The following AGBL4 variants were observed in gnomAD, a reference collection of about 807,000 sequenced individuals.
AGBL4 encodes the protein AGBL carboxypeptidase 4.
In AGBL4, 58 loss-of-function variants were observed where a neutral mutation model predicts 66.4. The ratio of observed to expected loss-of-function variants is 0.87; its 90% CI spans 0.71 to 1.09. The LOEUF is 1.09. Ranked by LOEUF, AGBL4 falls within the 50% of genes least tolerant of loss-of-function variation. AGBL4 has a pLI of 0.00. For synonymous variants in AGBL4, 234 were observed against 222.9 expected, an observed-to-expected ratio of 1.05 and a Z score of -0.44; for missense variants, 579 against 631.0, an observed-to-expected ratio of 0.92 and a Z score of 0.88.
chr1:48,668,981 C>T (rs1646233803), intron 6 of AGBL4, among the ~76,000 whole-genome samples: 1 of 152,138 alleles, frequency 6.6e-6, no homozygotes, highest in African/African-American at 2.4e-5. Context: ...GTTAGCTCTG[C>T]CTCAGTGTTT....
rs540475309 is a variant in AGBL4 at position 49,163,366 on chromosome 1, C to T, written c.377+82404G>A. 2.8e-3 allele frequency among the ~76,000 whole-genome samples: 430 copies of T among 152,274 alleles called. 2 individuals carry two copies. Among genetic ancestry groups the T allele is most frequent in the Non-Finnish European group, 4.7e-3 (323 of 68,022 alleles). ...CTGATTCTGGCAGACTCTTACTCAT[C>T]CCTTTGTCACAGTTCAAATGTCACC... is the stretch of plus-strand genomic sequence containing the variant. On this transcript the variant is annotated intron_variant, in intron 4 of 13. Transcript: ENST00000371839.
intron 2 of AGBL4, among the ~76,000 whole-genome samples, chr1:49,746,996 A>G (rs1436785477): frequency 6.6e-6 from 1 of 152,142 alleles, no homozygotes; most frequent in African/African-American, 2.4e-5. Flanking sequence ...AAACATTTCT[A>G]AAGTGAAAAA....
chr1:49,093,281 T>A (rs999650931), intron 4 of AGBL4, among the ~76,000 whole-genome samples: 1 of 152,120 alleles, frequency 6.6e-6, no homozygotes, highest in Non-Finnish European at 1.5e-5. Flanking sequence ...ACTGACAAGA[T>A]AATAATGAGA....
chr1:49,190,197 A>C (rs1168002334), intron 4 of AGBL4, among the ~76,000 whole-genome samples: 2 of 152,200 alleles, frequency 1.3e-5, no homozygotes. Flanking sequence ...CCTGCCCATG[A>C]GTCTAAAGCC....
intron 9 of AGBL4, among the ~76,000 whole-genome samples, chr1:48,631,549 C>T (rs1053051497): frequency 2.0e-5 from 3 of 152,114 alleles, no homozygotes; most frequent in Admixed American, 6.5e-5. Flanking sequence ...TGCCACCACA[C>T]CTGGCTAATT....
chr1:49,530,327 C>A (rs1455087033), intron 3 of AGBL4, among the ~76,000 whole-genome samples: 1 of 134,992 alleles, frequency 7.4e-6, no homozygotes, highest in East Asian at 2.1e-4. Flanking sequence ...TTTGAGGGTA[C>A]ATGTGCACAA....
intron 4 of AGBL4, 103 bp from the exon 5 acceptor site, chr1:49,045,903 G>A (rs1644067720): frequency 1.0e-6 from 1 of 954,072 alleles, no homozygotes. Flanking sequence ...GTAACATCAA[G>A]AACCATGGGT....
chr1:49,471,232 T>C (rs1365339482), intron 3 of AGBL4, among the ~76,000 whole-genome samples: 1 of 152,020 alleles, frequency 6.6e-6, no homozygotes, highest in African/African-American at 2.4e-5. Context: ...CATTATGTTA[T>C]TTTTGCTTTG....
chr1:49,165,403 T>C (rs1237721333), intron 4 of AGBL4, among the ~76,000 whole-genome samples: 1 of 152,120 alleles, frequency 6.6e-6, no homozygotes, highest in African/African-American at 2.4e-5. Context: ...GATACATTTG[T>C]TAAGAGAAAG....
intron 4 of AGBL4, among the ~76,000 whole-genome samples, chr1:49,142,809 T>C (rs541722837): frequency 4.6e-5 from 7 of 152,312 alleles, no homozygotes; most frequent in Admixed American, 3.9e-4. Context: ...AAAAGTTTTA[T>C]AATTCATATA....
At chr1:49,928,958 A>C (rs971495045) in intron 1 of AGBL4, among the ~76,000 whole-genome samples, 11 of 152,272 alleles carry the variant, frequency 7.2e-5, no homozygotes, top group Non-Finnish European at 1.3e-4. Context: ...AATATGGTAC[A>C]TATATGGCAT....
chr1:49,486,095 A>G (rs1297954478), intron 3 of AGBL4, among the ~76,000 whole-genome samples: 1 of 151,912 alleles, frequency 6.6e-6, no homozygotes, highest in Non-Finnish European at 1.5e-5. Context: ...GAGTCTGTGG[A>G]GTGAGTCCCA....
At chr1:48,591,028 A>G in intron 9 of AGBL4, 43 bp from the exon 10 acceptor site, 1 of 1,555,542 alleles carries the variant, frequency 6.4e-7, no homozygotes. Context: ...TGGGCTGTAG[A>G]GCTTGTGTAT....
At chr1:49,656,609 A>C (rs1646140036) in intron 3 of AGBL4, among the ~76,000 whole-genome samples, 1 of 152,302 alleles carries the variant, frequency 6.6e-6, no homozygotes, top group South Asian at 2.1e-4. Context: ...AATCCTCAAT[A>C]AAATACTGGC....
At chr1:49,020,028 C>T (rs527578685) in intron 5 of AGBL4, among the ~76,000 whole-genome samples, 1 of 152,222 alleles carries the variant, frequency 6.6e-6, no homozygotes, top group South Asian at 2.1e-4. Flanking sequence ...TGACAAATAC[C>T]CTGAAAAGTA....
intron 3 of AGBL4, among the ~76,000 whole-genome samples, chr1:49,488,310 A>G (rs1647111967): frequency 6.6e-6 from 1 of 151,446 alleles, no homozygotes; most frequent in African/African-American, 2.4e-5. Context: ...TTTATCATGT[A>G]TGACTTTTGT....
chr1:49,478,040 A>T (rs1646880894), intron 3 of AGBL4, among the ~76,000 whole-genome samples: 1 of 151,760 alleles, frequency 6.6e-6, no homozygotes, highest in Admixed American at 6.6e-5. Flanking sequence ...TTTAAAAAAG[A>T]ATTAAAAGAA....
chr1:48,958,472 A>G (rs2148936521), intron 5 of AGBL4, among the ~76,000 whole-genome samples: 1 of 152,376 alleles, frequency 6.6e-6, no homozygotes, highest in South Asian at 2.1e-4. Context: ...CAATATGAGT[A>G]GAAGTGATGT....
chr1:49,390,408 A>G (rs942416130), intron 3 of AGBL4, among the ~76,000 whole-genome samples: 1 of 152,206 alleles, frequency 6.6e-6, no homozygotes, highest in Admixed American at 6.5e-5. Context: ...TCCTAAGAAC[A>G]ATGGATTACA....
Sources: gnomAD v4.1 joint callset for allele counts (sites outside exome capture counted in the v4.1 genomes callset) on GRCh38, gnomAD v4.1.1 for gene constraint, MANE v1.5 for transcripts, NCBI Gene and HGNC (gene_info 2026-07-23, HGNC 2026-07-21) for gene names.